Variants in PHC3 observed in about 807,000 individuals in gnomAD.
PHC3 encodes the protein polyhomeotic homolog 3, also known as polyhomeotic-like protein 3.
In PHC3, 13 loss-of-function variants were observed where a neutral mutation model predicts 107.4. That is an observed-to-expected ratio of 0.12 (90% confidence interval 0.08 to 0.19). The LOEUF is 0.19. PHC3 is among the 10% of genes least tolerant of loss of function. The pLI is 1.00. For synonymous variants in PHC3, 456 were observed against 427.4 expected (o/e 1.07, Z -0.83); for missense variants, 992 against 1,210.9 (o/e 0.82, Z 2.68).
chr3:170,176,127 G>A (rs920582767), intron 2 of PHC3, among the ~76,000 whole-genome samples: 3 of 149,402 alleles, frequency 2.0e-5, no homozygotes, highest in Non-Finnish European at 3.0e-5. Context: ...TCTGGAGGCT[G>A]AAGCAGGAGA....
intron 14 of PHC3, among the ~76,000 whole-genome samples, chr3:170,101,082 C>A (rs1576954235): frequency 2.6e-5 from 4 of 152,284 alleles, no homozygotes; most frequent in Admixed American, 2.6e-4. Flanking sequence ...AAACCACAAC[C>A]AATGAAGACC....
intron 4 of PHC3, among the ~76,000 whole-genome samples, chr3:170,169,513 T>C (rs1248353936): frequency 1.3e-5 from 2 of 152,186 alleles, no homozygotes; most frequent in Non-Finnish European, 2.9e-5. Flanking sequence ...ATAAAGCAAA[T>C]GTAATGTATT....
At chr3:170,104,574 T>C (rs1560023445) in intron 12 of PHC3, among the ~76,000 whole-genome samples, 1 of 152,068 alleles carries the variant, frequency 6.6e-6, no homozygotes, top group Non-Finnish European at 1.5e-5. Context: ...CACCTACCCT[T>C]CAAAATTCCT....
chr3:170,136,662 G>T lies in PHC3; in HGVS notation c.676C>A (p.Gln226Lys). ...TTCTGGCTGCGTAATGTTAAATTCT[G>T]AACCTAAGAACCACATAACAGAAAA... ...SSCQSAATQV[Q>K]NLTLRSQKLG... The change falls in exon 7 of 15, where the codon CAG (glutamine) becomes AAG (lysine). Residue 226 changes from glutamine to lysine, a missense_variant. This residue lies in a region of PHC3 where 543 missense variants were observed against 590.8 expected (regional missense o/e 0.92). Coordinates refer to ENST00000495893, the MANE Select transcript of PHC3 (RefSeq NM_024947.4). The T allele has an allele frequency of 6.2e-7, 1 of 1,612,360 alleles. No homozygotes were observed. The highest frequency in any genetic ancestry group is 1.1e-5 in the South Asian group (1 of 90,714).
At chr3:170,167,099 C>T (rs548482713) in intron 4 of PHC3, among the ~76,000 whole-genome samples, 5 of 152,268 alleles carry the variant, frequency 3.3e-5, no homozygotes, top group Admixed American at 3.3e-4. Flanking sequence ...AAACGTTTTT[C>T]CTTGTTTTCT....
In PHC3 at chr3:170,171,397, C is replaced by G; in HGVS notation, c.390G>C (p.Gln130His). ...CAGACGTTTGGGACATACTTGACTG[C>G]TGTGTGACACTTCCTGTGGGAGATG... Reference protein sequence around the residue: ...PSTSPTGSVTQQSSMSQTSIN... With the variant: ...PSTSPTGSVTHQSSMSQTSIN... The change falls in exon 4 of 15, where the codon CAG becomes CAC. Residue 130 changes from glutamine to histidine, a missense_variant. Gln to His is a conservative substitution (Grantham distance 24). Transcript: ENST00000495893. 6.2e-7 allele frequency: 1 copy of G among 1,606,880 alleles called. No individual in the cohort carries two copies. Among genetic ancestry groups the G allele is most frequent in the Non-Finnish European group, 8.5e-7 (1 of 1,177,408 alleles).
chr3:170,136,700 C>T, intron 6 of PHC3, 35 bp from the exon 7 acceptor site: 2 of 1,601,686 alleles, frequency 1.2e-6, no homozygotes, highest in Non-Finnish European at 1.7e-6. Flanking sequence ...AGGATGAAAA[C>T]AGATGGTTTT....
Position 170,145,506 on chromosome 3 carries a change from C to T in PHC3, c.589G>A (p.Ala197Thr), listed in dbSNP as rs1167462544. Residue 197 changes from alanine to threonine, a missense_variant, in exon 6 of 15, where the codon GCT becomes ACT. By Grantham distance (58) the Ala-to-Thr change is moderately conservative. This residue lies in a region of PHC3 where 35 missense variants were observed against 73.6 expected (regional missense o/e 0.48). Coordinates refer to ENST00000495893, the MANE Select transcript of PHC3 (RefSeq NM_024947.4). ...LRAQMLIFTP[A>T]TTVAAVQSDI... is the part of the protein sequence containing the mutation. Reference sequence around the variant, plus strand: ...GACTGTACAGCAGCCACAGTGGTAGCGGGTGTGAAAATCAGCTGTACAGAC... The same window carrying T: ...GACTGTACAGCAGCCACAGTGGTAGTGGGTGTGAAAATCAGCTGTACAGAC... 1 of 1,611,356 alleles carries T rather than the reference C, an allele frequency of 6.2e-7. No individual in the cohort carries two copies. The highest frequency in any genetic ancestry group is 8.5e-7 in the Non-Finnish European group (1 of 1,178,332).
In PHC3 at chr3:170,097,300, C is replaced by G; in HGVS notation, c.2918G>C (p.Ser973Thr). 1 of 1,613,580 alleles carries G rather than the reference C, an allele frequency of 6.2e-7. No homozygotes were observed. Among genetic ancestry groups the G allele is most frequent in the South Asian group, 1.1e-5 (1 of 91,040 alleles). Residue 973 changes from serine to threonine, a missense_variant, in exon 15 of 15, where the codon AGT (serine) becomes ACT (threonine). By Grantham distance (58) the Ser-to-Thr change is moderately conservative (BLOSUM62 1). This residue lies in a region of PHC3 where 21 missense variants were observed against 52.5 expected (regional missense o/e 0.40). Transcript: ENST00000495893. This position sits in a 1 kb window ranked among gnomAD's most constrained non-coding sequence, Gnocchi z 4.1. ...LLLLKEDHLM[S>T]AMNIKLGPAL... ...TGGGCCTAGCTTGATATTCATTGCACTCATGAGATGGTCTTCTTTCAGCAA... is the reference window on the plus strand; with the variant it reads ...TGGGCCTAGCTTGATATTCATTGCAGTCATGAGATGGTCTTCTTTCAGCAA...
Position 170,088,410 on chromosome 3 carries a change from A to T in PHC3, c.*8820T>A, listed in dbSNP as rs1244173381. 6.6e-6 allele frequency: 1 copy of T among 152,246 alleles called. No homozygotes were observed. Among genetic ancestry groups the T allele is most frequent in the South Asian group, 2.1e-4 (1 of 4,834 alleles). 9.4% of individuals were successfully genotyped at this position (152,246 alleles called of 1,614,324 possible). A position where few individuals can be genotyped will look rare whatever the true frequency, so the allele number is the denominator to read the frequency against. On this transcript the variant is annotated 3_prime_UTR_variant, in exon 15 of 15. Transcript: ENST00000495893. ...AAAAAGTACTAATTTAAAAGGCTTG[A>T]AATGCCTGCCACCATTGTCAGTATC...
At position 170,136,579 on chromosome 3, in the gene PHC3, C is replaced by T. The variant is rs1225565557; in HGVS notation, c.759G>A (p.Gln253=). 4 of 1,613,598 alleles carry T rather than the reference C, an allele frequency of 2.5e-6. No homozygotes were observed. Among genetic ancestry groups the T allele is most frequent in the East Asian group, 2.2e-5 (1 of 44,854 alleles). ...NGPPKSTSQT[Q]SLTICHNKTT... is the part of the protein sequence containing the mutation. ...TTTTGTTATGACAAATTGTCAATGACTGAGTTTGACTAGTGCTTTTTGGTG... is the reference window on the plus strand; with the variant it reads ...TTTTGTTATGACAAATTGTCAATGATTGAGTTTGACTAGTGCTTTTTGGTG... The change falls in exon 7 of 15, where the codon CAG becomes CAA. Residue 253 remains glutamine, a synonymous_variant. Transcript: ENST00000495893.
intron 2 of PHC3, among the ~76,000 whole-genome samples, chr3:170,172,914 G>T (rs1292654571): frequency 6.6e-6 from 1 of 152,068 alleles, no homozygotes; most frequent in African/African-American, 2.4e-5. Flanking sequence ...CCAGTGGGCC[G>T]GGCACGGTGG....
intron 12 of PHC3, 29 bp downstream of exon 12, chr3:170,106,803 C>T (rs1716619287): frequency 6.4e-7 from 1 of 1,557,754 alleles, no homozygotes; most frequent in African/African-American, 1.4e-5. Context: ...TTTATCTGTC[C>T]TTTGGGAAAT....
In PHC3 at chr3:170,089,898, CAG is replaced by C. The variant is rs1713895988; in HGVS notation, c.*7330_*7331del. 1.7e-5 allele frequency: 2 copies of C among 119,078 alleles called. No homozygotes were observed. The highest frequency in any genetic ancestry group is 1.1e-4 in the Admixed American group (1 of 8,780). 7.4% of individuals were successfully genotyped at this position (119,078 alleles called of 1,614,324 possible). ...CACCACTGCACACCAGCCTGGGCAA[CAG>C]AGCGAACCCATCTCAAAAAAAAAAA... On this transcript the variant is annotated 3_prime_UTR_variant, in exon 15 of 15. Coordinates refer to ENST00000495893, the MANE Select transcript of PHC3 (RefSeq NM_024947.4).
chr3:170,168,166 AG>A (rs1294140509), intron 4 of PHC3, among the ~76,000 whole-genome samples: 4 of 137,454 alleles, frequency 2.9e-5, no homozygotes, highest in Admixed American at 7.7e-5. Flanking sequence ...AGGAAAGGAA[AG>A]GGAATGGAAA....
At position 170,122,619 on chromosome 3, in the gene PHC3, T is replaced by C. The variant is rs1427267535; in HGVS notation, c.1914A>G (p.Glu638=). 5.0e-6 allele frequency: 8 copies of C among 1,613,820 alleles called. No individual in the cohort carries two copies. In the Admixed American group the frequency reaches 1.3e-4, roughly 27 times the overall value. The change falls in exon 9 of 15, where the codon GAA becomes GAG. Residue 638 remains glutamate (E), a synonymous_variant. Coordinates refer to ENST00000495893, the MANE Select transcript of PHC3 (RefSeq NM_024947.4). ...SPAAITVGRG[E]DLTSEHPLLE... ...ACAAAGGATGTTCAGAAGTCAAATC[T>C]TCTCCTCTCCCCACTGTTATAGCTG...
intron 4 of PHC3, among the ~76,000 whole-genome samples, chr3:170,164,253 T>G (rs1017363635): frequency 6.6e-6 from 1 of 152,214 alleles, no homozygotes; most frequent in Non-Finnish European, 1.5e-5. Context: ...CAAAACTTTG[T>G]GAGAGAAAAT....
At chr3:170,109,016 C>T (rs866160798) in intron 11 of PHC3, among the ~76,000 whole-genome samples, 1 of 152,060 alleles carries the variant, frequency 6.6e-6, no homozygotes, top group Admixed American at 6.6e-5. Flanking sequence ...CATAAAGAAG[C>T]GAGGGACATT....
intron 8 of PHC3, among the ~76,000 whole-genome samples, chr3:170,127,803 C>G (rs1310208172): frequency 1.3e-5 from 2 of 152,068 alleles, no homozygotes; most frequent in African/African-American, 4.8e-5. Context: ...CAATTAGAGA[C>G]CTTATTTCAG....
Sources: allele counts gnomAD v4.1 joint callset (sites outside exome capture counted in the v4.1 genomes callset), GRCh38; gene constraint gnomAD v4.1.1; regional missense constraint gnomAD v4.1.1; non-coding constraint Gnocchi (gnomAD v3.1); transcripts MANE v1.5; gene names NCBI Gene and HGNC (gene_info 2026-07-23, HGNC 2026-07-21).